LCMT1: variants seen among roughly 807,000 people sequenced by gnomAD.
LCMT1 encodes the protein leucine carboxyl methyltransferase 1, also known as [Phosphatase 2A protein]-leucine-carboxy methyltransferase 1.
In LCMT1, 32 loss-of-function variants were observed where a neutral mutation model predicts 47.7. The observed-to-expected ratio is 0.67, with a 90% CI of 0.51 to 0.90. The LOEUF is 0.90. LCMT1 is among the 40% of genes least tolerant of loss of function. The pLI is 0.00. For synonymous variants in LCMT1, 152 were observed against 149.7 expected, an observed-to-expected ratio of 1.02 and a Z score of -0.11; for missense variants, 375 against 415.2, an observed-to-expected ratio of 0.90 and a Z score of 0.84.
chr16:25,154,377 G>A (rs775063362), intron 5 of LCMT1, among the ~76,000 whole-genome samples: 55 of 151,334 alleles, frequency 3.6e-4, no homozygotes, highest in Non-Finnish European at 6.0e-4. Context: ...TCTTTCCTTC[G>A]TTTTATTGGA....
At chr16:25,149,588 T>C (rs138863443) in intron 4 of LCMT1, among the ~76,000 whole-genome samples, 2 of 152,318 alleles carry the variant, frequency 1.3e-5, no homozygotes, top group East Asian at 3.9e-4. Context: ...ATGTCTTTTG[T>C]TTACTACTTT....
At chr16:25,157,503 C>CT (rs1393489809) in intron 5 of LCMT1, among the ~76,000 whole-genome samples, 4 of 151,814 alleles carry the variant, frequency 2.6e-5, no homozygotes, top group African/African-American at 9.7e-5. Context: ...ATCGTGCCAC[C>CT]GCACTGCAAC....
At chr16:25,164,787 C>G in intron 7 of LCMT1, 69 bp downstream of exon 7, 1 of 1,593,276 alleles carries the variant, frequency 6.3e-7, no homozygotes, top group Non-Finnish European at 8.6e-7. Flanking sequence ...TCCCAGCACC[C>G]TTAGGATAAC....
intron 4 of LCMT1, 66 bp downstream of exon 4, chr16:25,140,313 C>G: frequency 8.3e-7 from 1 of 1,208,950 alleles, no homozygotes; most frequent in African/African-American, 1.5e-5. Flanking sequence ...CAAGAGATGG[C>G]AGATCTGAAT....
intron 7 of LCMT1, among the ~76,000 whole-genome samples, chr16:25,168,186 T>A (rs1006673571): frequency 2.6e-5 from 4 of 151,954 alleles, no homozygotes; most frequent in African/African-American, 9.7e-5. Context: ...GTAGCTGGGA[T>A]AACAGGCACG....
At chr16:25,143,852 C>A (rs1293594596) in intron 4 of LCMT1, 1 of 152,208 alleles carries the variant, frequency 6.6e-6, no homozygotes, top group East Asian at 1.9e-4. Context: ...TGCTTAGTAA[C>A]TTTCAACTGG....
At chr16:25,138,727 C>T (rs879300646) in intron 3 of LCMT1, among the ~76,000 whole-genome samples, 10 of 152,294 alleles carry the variant, frequency 6.6e-5, no homozygotes, top group Middle Eastern at 3.4e-3. Flanking sequence ...GCCCTAGTTT[C>T]CTTCTTGCCC....
At chr16:25,172,539 C>T (rs1021284716) in intron 9 of LCMT1, among the ~76,000 whole-genome samples, 1 of 152,212 alleles carries the variant, frequency 6.6e-6, no homozygotes, top group African/African-American at 2.4e-5. Context: ...TTTGTAATCA[C>T]TCTGTGCTTC....
chr16:25,133,115 C>T (rs1960401645), intron 3 of LCMT1, among the ~76,000 whole-genome samples: 1 of 152,100 alleles, frequency 6.6e-6, no homozygotes, highest in South Asian at 2.1e-4. Context: ...CCTGCCTCAG[C>T]CTCTCAAAGT....
At chr16:25,158,949 A>C (rs536861070) in intron 5 of LCMT1, 27 of 152,340 alleles carry the variant, frequency 1.8e-4, no homozygotes, top group African/African-American at 6.0e-4. Context: ...GGGCCACTGC[A>C]GAGTGGCGGG....
intron 5 of LCMT1, among the ~76,000 whole-genome samples, chr16:25,153,750 C>T (rs1376290343): frequency 6.6e-6 from 1 of 151,832 alleles, no homozygotes; most frequent in Non-Finnish European, 1.5e-5. Context: ...GTCAGGGGTT[C>T]GAGACCAGCC....
intron 1 of LCMT1, among the ~76,000 whole-genome samples, chr16:25,122,298 C>CTGA (rs57704583): frequency 6.6e-6 from 1 of 151,444 alleles, no homozygotes; most frequent in South Asian, 2.1e-4. Flanking sequence ...ATCCTCTCTC[C>CTGA]TGATGATGAT....
chr16:25,169,947 C>T (rs773086027), intron 8 of LCMT1, among the ~76,000 whole-genome samples: 4 of 152,078 alleles, frequency 2.6e-5, no homozygotes, highest in Non-Finnish European at 2.9e-5. Context: ...TGGGCGGGCG[C>T]GGTGGCTCAC....
At chr16:25,159,525 C>T (rs1462856746) in intron 5 of LCMT1, among the ~76,000 whole-genome samples, 2 of 152,192 alleles carry the variant, frequency 1.3e-5, no homozygotes, top group African/African-American at 4.8e-5. Context: ...TTGGGCCTCC[C>T]AAGTTGTTGG....
At position 25,164,657 on chromosome 16, in the gene LCMT1, C is replaced by G. The variant is rs1961533271; in HGVS notation, c.629C>G (p.Ala210Gly). 3 of 1,613,868 alleles carry G rather than the reference C, an allele frequency of 1.9e-6. No homozygotes were observed. Among genetic ancestry groups the G allele is most frequent in the Non-Finnish European group, 2.5e-6 (3 of 1,179,874 alleles). ...GTTTACATGACTCCAGAGCAGTCCGCAAACCTCCTGAAGTGGGCAGCCAAC... is the reference window on the plus strand; with the variant it reads ...GTTTACATGACTCCAGAGCAGTCCGGAAACCTCCTGAAGTGGGCAGCCAAC... Reference protein sequence around the residue: ...VLVYMTPEQSANLLKWAANSF... With the variant: ...VLVYMTPEQSGNLLKWAANSF... The change falls in exon 7 of 11, where the codon GCA becomes GGA. Residue 210 changes from alanine (A) to glycine (G), a missense_variant. Physicochemically the swap from Ala to Gly is moderately conservative, Grantham distance 60. Transcript: ENST00000399069.
intron 2 of LCMT1, among the ~76,000 whole-genome samples, chr16:25,129,390 A>G (rs755003379): frequency 1.5e-4 from 23 of 152,204 alleles, no homozygotes; most frequent in Non-Finnish European, 2.6e-4. Context: ...AAAAAAAAGT[A>G]TTAATCTTCT....
At chr16:25,134,400 G>A (rs1006739619) in intron 3 of LCMT1, among the ~76,000 whole-genome samples, 4 of 152,210 alleles carry the variant, frequency 2.6e-5, no homozygotes, top group African/African-American at 9.6e-5. Context: ...CTGTAAGGGT[G>A]TTTTACACAG....
chr16:25,172,292 G>C (rs891472790), intron 9 of LCMT1, among the ~76,000 whole-genome samples: 1 of 148,788 alleles, frequency 6.7e-6, no homozygotes, highest in African/African-American at 2.5e-5. Flanking sequence ...TGGGCAACAA[G>C]AGCGAAACTC....
intron 7 of LCMT1, 137 bp from the exon 8 acceptor site, chr16:25,168,975 C>A: frequency 1.5e-6 from 1 of 647,648 alleles, no homozygotes; most frequent in East Asian, 2.7e-5. Flanking sequence ...TGGTGCCCGC[C>A]CCTCAGTCCG....
Sources: allele counts gnomAD v4.1 joint callset (sites outside exome capture counted in the v4.1 genomes callset), GRCh38; gene constraint gnomAD v4.1.1; transcripts MANE v1.5; gene names NCBI Gene and HGNC (gene_info 2026-07-23, HGNC 2026-07-21).